Variants in ATP7B observed in about 807,000 individuals in gnomAD.
ATP7B encodes the protein copper-transporting ATPase 2.
A neutral mutation model predicts 118.9 loss-of-function variants in ATP7B; 113 were observed. The ratio of observed to expected loss-of-function variants is 0.95; its 90% CI spans 0.82 to 1.11. The LOEUF (loss-of-function observed/expected upper bound fraction) is 1.11. Among genes scored for constraint, ATP7B ranks in the 50% most tolerant of loss-of-function variants. The probability of loss-of-function intolerance (pLI) is 0.00; values close to 1 mark genes in which losing one functional copy is unlikely to be tolerated. For missense variants in ATP7B, 1,867 were observed against 1,871.4 expected, an observed-to-expected ratio of 1.00 and a Z score of 0.04; for synonymous variants, 777 against 727.4, an observed-to-expected ratio of 1.07 and a Z score of -1.10.
At chr13:51,985,538 G>T (rs796663650) in intron 1 of ATP7B, among the ~76,000 whole-genome samples, 10 of 152,176 alleles carry the variant, frequency 6.6e-5, no homozygotes, top group African/African-American at 2.4e-4. Flanking sequence ...GATATTCAGG[G>T]CTTGAAATCA....
At chr13:51,970,809 C>T in intron 2 of ATP7B, 60 bp from the exon 3 acceptor site, 1 of 1,577,114 alleles carries the variant, frequency 6.3e-7, no homozygotes, top group Non-Finnish European at 8.7e-7. Flanking sequence ...TTTTTCAGAA[C>T]AAGAGGTTTC....
chr13:51,946,288 T>C lies in ATP7B; in HGVS notation c.3056A>G (p.His1019Arg). 1 of 1,582,558 alleles carries C rather than the reference T, an allele frequency of 6.3e-7. No individual in the cohort carries two copies. ...AAAGCCGTGCTACAGGCTGACCTTG[T>C]GCGCCATCTCCAGGGGCTTGCCTCC... is the stretch of plus-strand genomic sequence containing the variant. ...IKGGKPLEMA[H>R]KIKTVMFDKT... Residue 1019 changes from histidine (H) to arginine (R), a missense_variant, in exon 13 of 21, where the codon CAC becomes CGC. Transcript: ENST00000242839.
At chr13:51,936,715 T>TG (rs1330016816) in intron 19 of ATP7B, among the ~76,000 whole-genome samples, 1 of 152,004 alleles carries the variant, frequency 6.6e-6, no homozygotes, top group East Asian at 1.9e-4. Flanking sequence ...TTTGTAGAGA[T>TG]GGAGTCTCAC....
chr13:52,008,081 C>T (rs1953859871), intron 1 of ATP7B, among the ~76,000 whole-genome samples: 1 of 151,934 alleles, frequency 6.6e-6, no homozygotes, highest in African/African-American at 2.4e-5. Context: ...TGGCCTCACG[C>T]CTGTAATTCC....
At position 51,950,170 on chromosome 13, in the gene ATP7B, A is replaced by C; in HGVS notation, c.2576-9T>G. 2 of 1,614,180 alleles carry C rather than the reference A, an allele frequency of 1.2e-6. No individual in the cohort carries two copies. Among genetic ancestry groups the C allele is most frequent in the Non-Finnish European group, 1.7e-6 (2 of 1,180,026 alleles). On this transcript the variant is annotated splice_polypyrimidine_tract_variant and intron_variant, in intron 10 of 20. Coordinates refer to ENST00000242839, the MANE Select transcript of ATP7B (RefSeq NM_000053.4). Reference sequence around the variant, plus strand: ...GACTGGCATGGCTTCTCCTAGACGTAGGAAAGAGACAACTGTCACTTGCTC... The same window carrying C: ...GACTGGCATGGCTTCTCCTAGACGTCGGAAAGAGACAACTGTCACTTGCTC...
At chr13:51,952,194 G>A (rs1009190105) in intron 9 of ATP7B, among the ~76,000 whole-genome samples, 9 of 152,242 alleles carry the variant, frequency 5.9e-5, no homozygotes, top group Non-Finnish European at 8.8e-5. Context: ...TGCGGGGGGA[G>A]AGGAGAAGAC....
In ATP7B at chr13:51,972,623, C is replaced by T. The variant is rs911101770; in HGVS notation, c.1285+1312G>A. ...TTTCTCACCCGGCCTCCTACGTGGT[C>T]TCATTGCCTCCATGGACACTGTACT... On this transcript the variant is annotated intron_variant, in intron 2 of 20. Coordinates refer to ENST00000242839, the MANE Select transcript of ATP7B (RefSeq NM_000053.4). 6.6e-5 allele frequency among the ~76,000 whole-genome samples: 10 copies of T among 152,314 alleles called. No homozygotes were observed. The East Asian group carries it at 1.9e-3, about 29-fold the overall frequency.
intron 12 of ATP7B, among the ~76,000 whole-genome samples, 156 bp downstream of exon 12, chr13:51,949,506 T>C (rs1438332753): frequency 6.6e-6 from 1 of 152,228 alleles, no homozygotes; most frequent in Non-Finnish European, 1.5e-5. Flanking sequence ...CTGTTTATCC[T>C]ACTCTGGCTT....
chr13:51,968,528 C>A lies in ATP7B; in HGVS notation c.1623G>T (p.Glu541Asp). The A allele has an allele frequency of 6.2e-7, 1 of 1,614,166 alleles. No individual in the cohort carries two copies. Among genetic ancestry groups the A allele is most frequent in the Non-Finnish European group, 8.5e-7 (1 of 1,180,036 alleles). Reference sequence around the variant, plus strand: ...CCAGGTCCTGGATGAACTGAGCTATCTCGAGGGGCTGGATGACCTCTGGGT... The same window carrying A: ...CCAGGTCCTGGATGAACTGAGCTATATCGAGGGGCTGGATGACCTCTGGGT... ...KYDPEVIQPL[E>D]IAQFIQDLGF... Residue 541 changes from glutamate to aspartate, a missense_variant, in exon 4 of 21, where the codon GAG becomes GAT. By Grantham distance (45) the Glu-to-Asp change is conservative. Transcript: ENST00000242839.
chr13:52,009,380 T>G (rs973344413), intron 1 of ATP7B, among the ~76,000 whole-genome samples: 1 of 152,162 alleles, frequency 6.6e-6, no homozygotes, highest in Non-Finnish European at 1.5e-5. Flanking sequence ...GAAACATTTC[T>G]TCTCCCTGAG....
In ATP7B at chr13:51,983,179, T is replaced by C. The variant is rs573338852; in HGVS notation, c.52-8011A>G. 5.3e-5 allele frequency among the ~76,000 whole-genome samples: 8 copies of C among 152,290 alleles called. No individual in the cohort carries two copies. In the East Asian group the frequency reaches 1.3e-3, roughly 26 times the overall value. On this transcript the variant is annotated intron_variant, in intron 1 of 20. Transcript: ENST00000242839. Reference sequence around the variant, plus strand: ...AGATCCACTGGTTTGAAATTCTCACTGCCAGCACAACAGTCTGAAATCGAC... The same window carrying C: ...AGATCCACTGGTTTGAAATTCTCACCGCCAGCACAACAGTCTGAAATCGAC...
intron 1 of ATP7B, among the ~76,000 whole-genome samples, chr13:51,992,382 T>G (rs943768185): frequency 6.6e-6 from 1 of 152,294 alleles, no homozygotes; most frequent in South Asian, 2.1e-4. Context: ...TGGGATTAAA[T>G]TTTTCAGGAA....
intron 12 of ATP7B, among the ~76,000 whole-genome samples, chr13:51,947,623 G>A (rs1241088963): frequency 6.6e-6 from 1 of 152,074 alleles, no homozygotes; most frequent in Admixed American, 6.5e-5. Flanking sequence ...ATTATTAAAG[G>A]GGTCTTTTAA....
chr13:51,940,436 C>G (rs1466651416), intron 16 of ATP7B, among the ~76,000 whole-genome samples: 1 of 151,156 alleles, frequency 6.6e-6, no homozygotes, highest in Non-Finnish European at 1.5e-5. Flanking sequence ...AGCAGATCAC[C>G]TGAGGTCAGG....
chr13:51,962,260 T>G (rs1026141901), intron 5 of ATP7B, among the ~76,000 whole-genome samples: 1 of 152,186 alleles, frequency 6.6e-6, no homozygotes, highest in Non-Finnish European at 1.5e-5. Context: ...ATAAATACCT[T>G]GCCCAAAGCC....
intron 5 of ATP7B, among the ~76,000 whole-genome samples, chr13:51,963,924 C>T (rs148297631): frequency 7.9e-4 from 119 of 151,426 alleles, no homozygotes; most frequent in African/African-American, 2.3e-3. Context: ...TGGCGGTGCA[C>T]GCCTGTAGTC....
intron 5 of ATP7B, 108 bp downstream of exon 5, chr13:51,964,764 A>G (rs1958975379): frequency 7.5e-7 from 1 of 1,341,288 alleles, no homozygotes; most frequent in South Asian, 1.3e-5. Flanking sequence ...AAGTTGAAGA[A>G]TTTTGGTTAT....
intron 1 of ATP7B, among the ~76,000 whole-genome samples, chr13:52,009,760 G>A (rs1472314582): frequency 6.6e-6 from 1 of 151,920 alleles, no homozygotes; most frequent in Admixed American, 6.6e-5. Flanking sequence ...ATTCATGAGG[G>A]CAAGGTCTCG....
chr13:51,962,480 T>TA (rs1958815485), intron 5 of ATP7B, among the ~76,000 whole-genome samples: 1 of 152,234 alleles, frequency 6.6e-6, no homozygotes, highest in Non-Finnish European at 1.5e-5. Flanking sequence ...ATATCTCTGA[T>TA]ACTCTTTATG....
Sources: gnomAD v4.1 joint callset for allele counts (sites outside exome capture counted in the v4.1 genomes callset) on GRCh38, gnomAD v4.1.1 for gene constraint, MANE v1.5 for transcripts, NCBI Gene and HGNC (gene_info 2026-07-23, HGNC 2026-07-21) for gene names.